DHX30: variants seen among roughly 807,000 people sequenced by gnomAD.
DHX30 encodes the protein ATP-dependent RNA helicase DHX30.
In DHX30, 4 loss-of-function variants were observed where a neutral mutation model predicts 116.9. The ratio of observed to expected loss-of-function variants is 0.03; its 90% CI spans 0.02 to 0.08. The LOEUF (loss-of-function observed/expected upper bound fraction) is 0.08, where lower values mean the gene tolerates loss of function less well. DHX30 is among the 10% of genes least tolerant of loss of function. The probability of loss-of-function intolerance (pLI) is 1.00; values close to 1 mark genes in which losing one functional copy is unlikely to be tolerated. For missense variants in DHX30, 871 were observed against 1,595.1 expected, an observed-to-expected ratio of 0.55 and a Z score of 7.73; for synonymous variants, 697 against 651.7, an observed-to-expected ratio of 1.07 and a Z score of -1.06.
At chr3:47,814,686 A>G (rs2106955699) in intron 3 of DHX30, among the ~76,000 whole-genome samples, 1 of 151,590 alleles carries the variant, frequency 6.6e-6, no homozygotes, top group South Asian at 2.1e-4. Flanking sequence ...ACGCCTGGCT[A>G]ATTTTTTGTA....
At position 47,846,343 on chromosome 3, in the gene DHX30, G is replaced by A. The variant is rs143284982; in HGVS notation, c.1271G>A (p.Arg424Gln). The A allele has an allele frequency of 1.9e-6, 3 of 1,613,956 alleles. No individual in the cohort carries two copies. Among genetic ancestry groups the A allele is most frequent in the East Asian group, 2.2e-5 (1 of 44,902 alleles). Residue 424 changes from arginine (R) to glutamine (Q), a missense_variant, in exon 11 of 22, where the codon CGA (arginine) becomes CAA (glutamine). Coordinates refer to ENST00000445061, the MANE Select transcript of DHX30 (RefSeq NM_138615.3). ...SQSLLELWRR[R>Q]GPVWQEAPQL... ...AGTCTGCTAGAACTGTGGCGGCGGCGAGGGCCGGTCTGGCAGGAGGCCCCC... is the reference window on the plus strand; with the variant it reads ...AGTCTGCTAGAACTGTGGCGGCGGCAAGGGCCGGTCTGGCAGGAGGCCCCC...
At chr3:47,831,940 T>C (rs2036876189) in intron 6 of DHX30, among the ~76,000 whole-genome samples, 1 of 149,588 alleles carries the variant, frequency 6.7e-6, no homozygotes, top group African/African-American at 2.4e-5. Context: ...CTTTTTTTTT[T>C]TTTTTTTTAT....
intron 5 of DHX30, 67 bp from the exon 6 acceptor site, chr3:47,828,957 C>T (rs995261046): frequency 1.8e-5 from 17 of 931,462 alleles, no homozygotes; most frequent in South Asian, 1.7e-4. Context: ...TGTTTATTTT[C>T]CATGTAATTT....
At chr3:47,812,240 A>G (rs1490356648) in intron 3 of DHX30, among the ~76,000 whole-genome samples, 1 of 151,604 alleles carries the variant, frequency 6.6e-6, no homozygotes, top group Non-Finnish European at 1.5e-5. Flanking sequence ...AAATAAATAA[A>G]TAAATAAATA....
chr3:47,809,924 T>A lies in DHX30; in HGVS notation c.-27-733T>A, dbSNP rs185920267. ...TATAAATCTGAGTTTGAGTATTTTTTAAAACAAAATTGTTAAACCAGATGT... is the reference window on the plus strand; with the variant it reads ...TATAAATCTGAGTTTGAGTATTTTTAAAAACAAAATTGTTAAACCAGATGT... On this transcript the variant is annotated intron_variant, in intron 2 of 21. Coordinates refer to ENST00000445061, the MANE Select transcript of DHX30 (RefSeq NM_138615.3). Among the ~76,000 whole-genome samples, 296 of 152,344 alleles carry A rather than the reference T, an allele frequency of 1.9e-3. 3 individuals carry two copies. Among genetic ancestry groups the A allele is most frequent in the African/African-American group, 6.6e-3 (273 of 41,580 alleles).
In DHX30 at chr3:47,848,377, T is replaced by C. The variant is rs760755197; in HGVS notation, c.2484T>C (p.Pro828=). 2 of 1,614,032 alleles carry C rather than the reference T, an allele frequency of 1.2e-6. No homozygotes were observed. Among genetic ancestry groups the C allele is most frequent in the Admixed American group, 1.7e-5 (1 of 60,022 alleles). ...NLVLQAKIHM[P]EKTAVEFLSK... Reference sequence around the variant, plus strand: ...TGCTGCAAGCGAAAATCCACATGCCTGAGAAGACGGTGCGGCGGGGCGGGG... The same window carrying C: ...TGCTGCAAGCGAAAATCCACATGCCCGAGAAGACGGTGCGGCGGGGCGGGG... The change falls in exon 15 of 22, where the codon CCT becomes CCC. Residue 828 remains proline (P), a synonymous_variant. Coordinates refer to ENST00000445061, the MANE Select transcript of DHX30 (RefSeq NM_138615.3). The surrounding 1 kb of genome is among the most constrained non-coding windows in gnomAD (Gnocchi z 9.4).
At chr3:47,827,131 C>T (rs2036587264) in intron 4 of DHX30, among the ~76,000 whole-genome samples, 1 of 151,988 alleles carries the variant, frequency 6.6e-6, no homozygotes, top group African/African-American at 2.4e-5. Context: ...GGGTCATTGG[C>T]CCTTCTTCAG....
chr3:47,823,631 G>A lies in DHX30; in HGVS notation c.125-3716G>A, dbSNP rs2036399897. 2.6e-5 allele frequency among the ~76,000 whole-genome samples: 4 copies of A among 152,172 alleles called. No homozygotes were observed. In the South Asian group the frequency reaches 6.2e-4, roughly 24 times the overall value. On this transcript the variant is annotated intron_variant, in intron 4 of 21. Coordinates refer to ENST00000445061, the MANE Select transcript of DHX30 (RefSeq NM_138615.3). ...CCTGCCTCAGCCTCCCAGAGTGCTG[G>A]GATTACAGGCATGAGCCACTGCGCC...
intron 4 of DHX30, chr3:47,819,231 A>G: frequency 7.3e-7 from 1 of 1,367,828 alleles, no homozygotes; most frequent in Non-Finnish European, 9.8e-7. Context: ...CTGTAACTCG[A>G]AAAGGCTGAA....
chr3:47,845,684 G>C lies in DHX30; in HGVS notation c.940-16G>C, dbSNP rs1449726003. The C allele has an allele frequency of 2.5e-6, 4 of 1,575,722 alleles. No homozygotes were observed. Among genetic ancestry groups the C allele is most frequent in the Admixed American group, 1.7e-5 (1 of 58,584 alleles). On this transcript the variant is annotated splice_polypyrimidine_tract_variant and intron_variant, in intron 9 of 21. Coordinates refer to ENST00000445061, the MANE Select transcript of DHX30 (RefSeq NM_138615.3). The stretch of plus-strand genomic sequence containing the variant: ...AGCCCCAGAGCATAGACTGAGTCTT[G>C]CATGTCCCCCTGCAGAGCCTGGGCC...
intron 21 of DHX30, 37 bp from the exon 22 acceptor site, chr3:47,849,830 T>C: frequency 2.5e-6 from 4 of 1,608,826 alleles, no homozygotes; most frequent in Non-Finnish European, 3.4e-6. Context: ...GGGCCTGGCC[T>C]CACCACAGTT....
intron 9 of DHX30, among the ~76,000 whole-genome samples, chr3:47,843,714 T>C (rs1448516078): frequency 6.6e-6 from 1 of 152,016 alleles, no homozygotes; most frequent in Non-Finnish European, 1.5e-5. Context: ...GCAGTTCTCT[T>C]TTTTTTGAGA....
intron 3 of DHX30, among the ~76,000 whole-genome samples, chr3:47,815,659 G>C (rs1245109042): frequency 7.6e-6 from 1 of 131,512 alleles, no homozygotes; most frequent in Non-Finnish European, 1.6e-5. Context: ...TTAGCTGTCT[G>C]ATTTCTTACC....
intron 3 of DHX30, chr3:47,816,483 G>T (rs2036064472): frequency 1.0e-6 from 1 of 954,686 alleles, no homozygotes; most frequent in Admixed American, 6.2e-5. Context: ...TCAGCCTCCT[G>T]AGTAGCTGGG....
Position 47,848,500 on chromosome 3 carries a change from G to A in DHX30, c.2525G>A (p.Ser842Asn). The A allele has an allele frequency of 6.2e-7, 1 of 1,613,984 alleles. No individual in the cohort carries two copies. The highest frequency in any genetic ancestry group is 8.5e-7 in the Non-Finnish European group (1 of 1,179,978). ...AVEFLSKAVDSPNIKAVDEAV... is the reference protein window; with the variant it reads ...AVEFLSKAVDNPNIKAVDEAV... The stretch of plus-strand genomic sequence containing the variant: ...GAGTTCCTGTCCAAGGCTGTGGACA[G>A]TCCAAACATCAAGGCAGTGGACGAG... Residue 842 changes from serine (S) to asparagine (N), a missense_variant, in exon 16 of 22, where the codon AGT becomes AAT. Around this residue, in one of 13 missense-constraint regions of DHX30, gnomAD observed 238 missense variants for 481.0 expected, o/e 0.49. Coordinates refer to ENST00000445061, the MANE Select transcript of DHX30 (RefSeq NM_138615.3). This position sits in a 1 kb window ranked among gnomAD's most constrained non-coding sequence, Gnocchi z 9.4.
chr3:47,841,689 C>T lies in DHX30; in HGVS notation c.741C>T (p.Asn247=). The T allele has an allele frequency of 6.2e-7, 1 of 1,614,252 alleles. No individual in the cohort carries two copies. Among genetic ancestry groups the T allele is most frequent in the Non-Finnish European group, 8.5e-7 (1 of 1,180,048 alleles). ...RALTQFPLPK[N]LLAKVIQIAT... The stretch of plus-strand genomic sequence containing the variant: ...TGACCCAGTTTCCACTTCCCAAGAA[C>T]CTTCTGGCCAAGGTGATTCAGATTG... Residue 247 remains asparagine, a synonymous_variant, in exon 8 of 22, where the codon AAC becomes AAT. Transcript: ENST00000445061.
Position 47,841,042 on chromosome 3 carries a change from C to T in DHX30, c.532C>T (p.Pro178Ser). The change falls in exon 7 of 22, where the codon CCT becomes TCT. Residue 178 changes from proline to serine, a missense_variant. Transcript: ENST00000445061. ...LNPESIRPGGPGGLSRSLGRE... is the reference protein window; with the variant it reads ...LNPESIRPGGSGGLSRSLGRE... ...TCCAGAGAGTATTCGACCAGGGGGA[C>T]CTGGGGGCCTATCCCGCTCTTTAGG... 6.2e-7 allele frequency: 1 copy of T among 1,614,094 alleles called. No homozygotes were observed. The highest frequency in any genetic ancestry group is 8.5e-7 in the Non-Finnish European group (1 of 1,180,000).
intron 7 of DHX30, 58 bp downstream of exon 7, chr3:47,841,236 G>A: frequency 6.3e-7 from 1 of 1,588,268 alleles, no homozygotes; most frequent in Non-Finnish European, 8.5e-7. Flanking sequence ...ACGGGGATGG[G>A]CGAATGTTCT....
rs761696413 is a variant in DHX30, at chr3:47,846,503, C to T, written c.1431C>T (p.Thr477=). The change falls in exon 11 of 22, where the codon ACC becomes ACT. Residue 477 remains threonine, a synonymous_variant. Transcript: ENST00000445061. ...AGCTGTTGCTGGAGCGCTATGTGAC[C>T]GAGGGCCGAGGTGCCCGCTGCAATG... ...IPQLLLERYV[T]EGRGARCNVI... 11 of 1,613,902 alleles carry T rather than the reference C, an allele frequency of 6.8e-6. No homozygotes were observed. The highest frequency in any genetic ancestry group is 2.2e-5 in the South Asian group (2 of 91,088).
Sources: gnomAD v4.1 joint callset for allele counts (sites outside exome capture counted in the v4.1 genomes callset) on GRCh38, gnomAD v4.1.1 for gene constraint, gnomAD v4.1.1 regional missense constraint, Gnocchi (gnomAD v3.1) non-coding constraint, MANE v1.5 for transcripts, NCBI Gene and HGNC (gene_info 2026-07-23, HGNC 2026-07-21) for gene names.